ACAP2: variants seen among roughly 807,000 people sequenced by gnomAD.
The protein encoded by ACAP2 is ArfGAP with coiled-coil, ankyrin repeat and PH domains 2.
Under a neutral mutation model 115.8 loss-of-function variants are expected in ACAP2, and 39 were observed. The observed-to-expected ratio is 0.34, with a 90% CI of 0.26 to 0.44. The LOEUF (loss-of-function observed/expected upper bound fraction) is 0.44, where lower values mean the gene tolerates loss of function less well. ACAP2 is among the 20% of genes least tolerant of loss of function. The pLI is 1.00. For missense variants in ACAP2, 662 were observed against 927.6 expected (o/e 0.71, Z 3.72); for synonymous variants, 289 against 315.8 (o/e 0.92, Z 0.90).
At chr3:195,399,179 T>TA (rs1049856576) in intron 1 of ACAP2, among the ~76,000 whole-genome samples, 3 of 152,072 alleles carry the variant, frequency 2.0e-5, no homozygotes, top group African/African-American at 2.4e-5. Context: ...GTTTAAGCCA[T>TA]AAAAAAAACC....
chr3:195,412,565 T>G (rs891847854), intron 1 of ACAP2, among the ~76,000 whole-genome samples: 4 of 151,984 alleles, frequency 2.6e-5, no homozygotes, highest in African/African-American at 7.2e-5. Flanking sequence ...TGAGCTGAGA[T>G]GGCACACTGC....
At chr3:195,430,434 C>T (rs936372612) in intron 1 of ACAP2, among the ~76,000 whole-genome samples, 4 of 152,082 alleles carry the variant, frequency 2.6e-5, no homozygotes, top group Admixed American at 2.0e-4. Context: ...TATGGGGAGG[C>T]CAGGAGCAGT....
intron 6 of ACAP2, among the ~76,000 whole-genome samples, chr3:195,341,581 C>A (rs1730883080): frequency 1.3e-5 from 2 of 152,146 alleles, no homozygotes; most frequent in South Asian, 4.1e-4. Context: ...TCTTGGCCTC[C>A]CAAAGTGCTG....
intron 1 of ACAP2, among the ~76,000 whole-genome samples, chr3:195,412,164 C>CA (rs869120673): frequency 0.03 from 1,471 of 48,490 alleles, 241 homozygotes; most frequent in East Asian, 0.052. Context: ...GACCCTGTCT[C>CA]AAAAAAAAAA....
intron 1 of ACAP2, among the ~76,000 whole-genome samples, chr3:195,397,719 C>T (rs1194979723): frequency 6.6e-6 from 1 of 151,968 alleles, no homozygotes; most frequent in East Asian, 1.9e-4. Context: ...ATAAACAACA[C>T]TCTCTCCCAC....
At chr3:195,422,944 A>C (rs1334898443) in intron 1 of ACAP2, among the ~76,000 whole-genome samples, 1 of 152,234 alleles carries the variant, frequency 6.6e-6, no homozygotes, top group African/African-American at 2.4e-5. Flanking sequence ...AGGAATGAAC[A>C]GCTGGCTAAA....
intron 4 of ACAP2, among the ~76,000 whole-genome samples, chr3:195,361,929 T>C (rs1732399759): frequency 6.6e-6 from 1 of 152,098 alleles, no homozygotes; most frequent in Non-Finnish European, 1.5e-5. Flanking sequence ...AATAAATGGA[T>C]AAATTCCTAG....
At chr3:195,316,878 C>A (rs2109016963) in intron 10 of ACAP2, among the ~76,000 whole-genome samples, 1 of 143,024 alleles carries the variant, frequency 7.0e-6, no homozygotes, top group African/African-American at 2.6e-5. Context: ...CACTGACTTT[C>A]AGAAATGTCA....
intron 6 of ACAP2, among the ~76,000 whole-genome samples, chr3:195,341,157 G>A (rs1730839763): frequency 6.6e-6 from 1 of 151,962 alleles, no homozygotes. Context: ...ATGATATATA[G>A]AAACACGCAA....
chr3:195,307,442 T>G (rs1390613228), intron 11 of ACAP2, 119 bp from the exon 12 acceptor site: 1 of 640,802 alleles, frequency 1.6e-6, no homozygotes, highest in Non-Finnish European at 2.7e-6. Context: ...TTATATTTTA[T>G]TTTAGAAACA....
intron 2 of ACAP2, among the ~76,000 whole-genome samples, chr3:195,389,411 T>C (rs985020811): frequency 2.0e-5 from 3 of 152,262 alleles, no homozygotes; most frequent in Non-Finnish European, 4.4e-5. Flanking sequence ...CAGTGTTTCA[T>C]ATGATTTACA....
intron 4 of ACAP2, among the ~76,000 whole-genome samples, chr3:195,355,307 T>C (rs565458909): frequency 2.0e-5 from 3 of 151,066 alleles, no homozygotes; most frequent in East Asian, 1.9e-4. Flanking sequence ...TTGGTAGTTA[T>C]TGTTGTTCTT....
At chr3:195,327,514 T>A (rs1729871580) in intron 8 of ACAP2, among the ~76,000 whole-genome samples, 1 of 152,044 alleles carries the variant, frequency 6.6e-6, no homozygotes, top group Non-Finnish European at 1.5e-5. Context: ...GAAAAAATAA[T>A]TCATGAGATA....
At chr3:195,410,230 T>C (rs967794404) in intron 1 of ACAP2, among the ~76,000 whole-genome samples, 3 of 152,154 alleles carry the variant, frequency 2.0e-5, no homozygotes, top group African/African-American at 7.2e-5. Context: ...TGCAAAAGAA[T>C]GAAGACCCTT....
chr3:195,324,044 T>C (rs903594820), intron 9 of ACAP2, among the ~76,000 whole-genome samples: 1 of 152,042 alleles, frequency 6.6e-6, no homozygotes, highest in Non-Finnish European at 1.5e-5. Flanking sequence ...CCACCTACTA[T>C]GTACTAACAA....
At chr3:195,347,383 A>C (rs1369414115) in intron 4 of ACAP2, among the ~76,000 whole-genome samples, 1 of 152,122 alleles carries the variant, frequency 6.6e-6, no homozygotes, top group East Asian at 1.9e-4. Context: ...GAACTACTGA[A>C]ACAGGGAACA....
At chr3:195,363,258 TA>T (rs1405237661) in intron 4 of ACAP2, among the ~76,000 whole-genome samples, 3 of 152,118 alleles carry the variant, frequency 2.0e-5, no homozygotes, top group Non-Finnish European at 2.9e-5. Flanking sequence ...TCTCCACAAT[TA>T]AAACTATAAA....
chr3:195,362,571 C>A (rs1732445520), intron 4 of ACAP2, among the ~76,000 whole-genome samples: 1 of 151,982 alleles, frequency 6.6e-6, no homozygotes, highest in African/African-American at 2.4e-5. Flanking sequence ...CTCTGATGAA[C>A]ACTGATGAAA....
intron 1 of ACAP2, among the ~76,000 whole-genome samples, chr3:195,421,080 TTTA>T (rs1329234790): frequency 1.3e-5 from 2 of 152,222 alleles, no homozygotes; most frequent in Non-Finnish European, 2.9e-5. Context: ...ATCACTGTGC[TTTA>T]TTATTATCTG....
Sources: gnomAD v4.1 joint callset for allele counts (sites outside exome capture counted in the v4.1 genomes callset) on GRCh38, gnomAD v4.1.1 for gene constraint, MANE v1.5 for transcripts, NCBI Gene and HGNC (gene_info 2026-07-23, HGNC 2026-07-21) for gene names.